Variants in GRIK4 observed in about 807,000 individuals in gnomAD.
The protein encoded by GRIK4 is glutamate receptor ionotropic, kainate 4.
A neutral mutation model predicts 104.9 loss-of-function variants in GRIK4; 40 were observed. That is an observed-to-expected ratio of 0.38 (90% CI 0.30 to 0.50). The LOEUF is 0.50. Ranked by LOEUF, GRIK4 falls within the 20% of genes least tolerant of loss-of-function variation. GRIK4 has a pLI of 0.93. For missense variants in GRIK4, 1,047 were observed against 1,308.1 expected, an observed-to-expected ratio of 0.80 and a Z score of 3.08; for synonymous variants, 485 against 524.9, an observed-to-expected ratio of 0.92 and a Z score of 1.04.
rs1197733445 is a variant in GRIK4 at position 120,952,373 on chromosome 11, G to A, written c.1591-482G>A. Reference sequence around the variant, plus strand: ...ACTGTTTTGAGGTTGACGGGGGAAGGTCTCACTGTGTGAGATCACCCTGCA... The same window carrying A: ...ACTGTTTTGAGGTTGACGGGGGAAGATCTCACTGTGTGAGATCACCCTGCA... On this transcript the variant is annotated intron_variant, in intron 14 of 20. Transcript: ENST00000527524. This position sits in a 1 kb window ranked among gnomAD's most constrained non-coding sequence, Gnocchi z 5.2. Among the ~76,000 whole-genome samples the A allele has an allele frequency of 6.6e-6, 1 of 152,174 alleles. No homozygotes were observed. The highest frequency in any genetic ancestry group is 1.5e-5 in the Non-Finnish European group (1 of 68,030).
At chr11:120,915,060 C>A (rs1201959626) in intron 13 of GRIK4, among the ~76,000 whole-genome samples, 1 of 152,152 alleles carries the variant, frequency 6.6e-6, no homozygotes, top group Admixed American at 6.5e-5. Flanking sequence ...TCCTGCTTCT[C>A]AGGGGAGAAG....
At chr11:120,579,212 A>G (rs1001434408) in intron 1 of GRIK4, among the ~76,000 whole-genome samples, 7 of 147,060 alleles carry the variant, frequency 4.8e-5, no homozygotes, top group Non-Finnish European at 1.0e-4. Context: ...AAGTGACAGC[A>G]CACGACAAAA....
chr11:120,573,379 G>T (rs115645439), intron 1 of GRIK4, among the ~76,000 whole-genome samples: 2 of 152,124 alleles, frequency 1.3e-5, no homozygotes, highest in South Asian at 2.1e-4. Context: ...AAAGACCTTG[G>T]CACGTGGCTG....
At chr11:120,609,805 G>A (rs763561394) in intron 1 of GRIK4, among the ~76,000 whole-genome samples, 2 of 151,952 alleles carry the variant, frequency 1.3e-5, no homozygotes, top group African/African-American at 2.4e-5. Flanking sequence ...TGAGCCATAC[G>A]CCCAGCCTGC....
chr11:120,574,279 A>G (rs1948447656), intron 1 of GRIK4, among the ~76,000 whole-genome samples: 1 of 152,178 alleles, frequency 6.6e-6, no homozygotes, highest in Admixed American at 6.5e-5. Flanking sequence ...GCTGGGCTGG[A>G]TGGTCCTCCT....
intron 13 of GRIK4, among the ~76,000 whole-genome samples, chr11:120,911,853 A>AC (rs1943005769): frequency 6.6e-6 from 1 of 151,366 alleles, no homozygotes; most frequent in Non-Finnish European, 1.5e-5. Flanking sequence ...CAAAAAAAAA[A>AC]AAAAAGAAAA....
chr11:120,773,146 T>C (rs1951978725), intron 3 of GRIK4, among the ~76,000 whole-genome samples: 1 of 152,156 alleles, frequency 6.6e-6, no homozygotes, highest in South Asian at 2.1e-4. Flanking sequence ...AACTGGGACA[T>C]AGAGATTAGG....
At chr11:120,660,441 TC>T in intron 3 of GRIK4, 41 bp downstream of exon 3, 1 of 1,449,704 alleles carries the variant, frequency 6.9e-7, no homozygotes, top group Non-Finnish European at 9.7e-7. Flanking sequence ...CCACCCACTA[TC>T]CCAGGTGTCC....
At chr11:120,975,775 C>T (rs1028727495) in intron 19 of GRIK4, among the ~76,000 whole-genome samples, 2 of 152,012 alleles carry the variant, frequency 1.3e-5, no homozygotes, top group Non-Finnish European at 2.9e-5. Flanking sequence ...GAGTGGATGC[C>T]GAGTGACTGG....
chr11:120,789,840 A>G (rs534326411), intron 3 of GRIK4, among the ~76,000 whole-genome samples: 1 of 152,256 alleles, frequency 6.6e-6, no homozygotes, highest in South Asian at 2.1e-4. Context: ...TCTTGTGTGA[A>G]GCCTGGCAGG....
chr11:120,684,611 G>A (rs1293307072), intron 3 of GRIK4, among the ~76,000 whole-genome samples: 4 of 152,228 alleles, frequency 2.6e-5, no homozygotes, highest in African/African-American at 9.6e-5. Flanking sequence ...ATGGTAAAGA[G>A]CCTAGGTGCA....
At chr11:120,611,030 T>G (rs539798359) in intron 1 of GRIK4, among the ~76,000 whole-genome samples, 1 of 152,316 alleles carries the variant, frequency 6.6e-6, no homozygotes, top group Non-Finnish European at 1.5e-5. Context: ...CAAGGCCCAG[T>G]GAGCGGACAA....
At chr11:120,928,156 G>A (rs565591716) in intron 13 of GRIK4, among the ~76,000 whole-genome samples, 21 of 151,052 alleles carry the variant, frequency 1.4e-4, no homozygotes, top group African/African-American at 4.9e-4. Context: ...TGGAGCTGCA[G>A]TGAGCCGAGA....
At chr11:120,840,027 G>A (rs985356738) in intron 8 of GRIK4, among the ~76,000 whole-genome samples, 1 of 152,200 alleles carries the variant, frequency 6.6e-6, no homozygotes, top group African/African-American at 2.4e-5. Context: ...GAGGAACTGA[G>A]CCAGAGAGAG....
At chr11:120,580,568 CCTTT>C (rs1948567341) in intron 1 of GRIK4, among the ~76,000 whole-genome samples, 2 of 134,932 alleles carry the variant, frequency 1.5e-5, no homozygotes, top group African/African-American at 2.5e-5. Context: ...TGCCTGGCCT[CCTTT>C]CTTTTTTTTT....
chr11:120,584,359 T>C (rs1948629638), intron 1 of GRIK4, among the ~76,000 whole-genome samples: 1 of 152,228 alleles, frequency 6.6e-6, no homozygotes, highest in Admixed American at 6.5e-5. Context: ...ATAGGTTTAA[T>C]TGGCTCACAG....
At chr11:120,614,977 C>G (rs1284071509) in intron 1 of GRIK4, among the ~76,000 whole-genome samples, 2 of 152,146 alleles carry the variant, frequency 1.3e-5, no homozygotes, top group Non-Finnish European at 2.9e-5. Context: ...CCAGCCTGGG[C>G]AACAAAGCAA....
intron 13 of GRIK4, among the ~76,000 whole-genome samples, chr11:120,913,856 TAAA>T (rs36119057): frequency 2.3e-5 from 3 of 132,702 alleles, no homozygotes; most frequent in African/African-American, 2.9e-5. Context: ...TTTGCTGAAC[TAAA>T]AAAAAAAAAA....
chr11:120,629,176 G>A (rs935013255), intron 1 of GRIK4, among the ~76,000 whole-genome samples: 1 of 152,176 alleles, frequency 6.6e-6, no homozygotes, highest in African/African-American at 2.4e-5. Flanking sequence ...TGGGGAAGGT[G>A]GAGGGAAGCA....
Sources: gnomAD v4.1 joint callset for allele counts (sites outside exome capture counted in the v4.1 genomes callset) on GRCh38, gnomAD v4.1.1 for gene constraint, Gnocchi (gnomAD v3.1) non-coding constraint, MANE v1.5 for transcripts, NCBI Gene and HGNC (gene_info 2026-07-23, HGNC 2026-07-21) for gene names.